Variants in WDR70 observed in about 807,000 individuals in gnomAD.
WDR70 encodes WD repeat domain 70, also known as WD repeat-containing protein 70.
In WDR70, 53 loss-of-function variants were observed where a neutral mutation model predicts 88.6. That is an observed-to-expected ratio of 0.60 (90% CI 0.48 to 0.75). The LOEUF (loss-of-function observed/expected upper bound fraction) is 0.75. Ranked by LOEUF, WDR70 falls within the 30% of genes least tolerant of loss-of-function variation. The pLI is 0.00. For missense variants in WDR70, 610 were observed against 823.2 expected (o/e 0.74, Z 3.17); for synonymous variants, 280 against 270.0 (o/e 1.04, Z -0.36).
At chr5:37,562,310 AAC>A (rs1408694288) in intron 9 of WDR70, among the ~76,000 whole-genome samples, 1 of 152,190 alleles carries the variant, frequency 6.6e-6, no homozygotes, top group Non-Finnish European at 1.5e-5. Flanking sequence ...GAGCCAAGAT[AAC>A]ACCATTGTGC....
intron 5 of WDR70, among the ~76,000 whole-genome samples, chr5:37,433,289 G>A (rs1750368709): frequency 6.6e-6 from 1 of 151,936 alleles, no homozygotes; most frequent in African/African-American, 2.4e-5. Context: ...TCAAACTCCT[G>A]GCCTCAAGTG....
chr5:37,627,549 G>T (rs1366299646), intron 10 of WDR70, among the ~76,000 whole-genome samples: 2 of 151,708 alleles, frequency 1.3e-5, no homozygotes, highest in Non-Finnish European at 2.9e-5. Context: ...TTATTTTTTG[G>T]CATAGGCATG....
At chr5:37,637,769 A>G (rs564527293) in intron 10 of WDR70, among the ~76,000 whole-genome samples, 2 of 152,256 alleles carry the variant, frequency 1.3e-5, no homozygotes, top group Non-Finnish European at 2.9e-5. Context: ...TTCTCACTCC[A>G]AAAGCCAAGA....
chr5:37,675,539 G>C (rs977323865), intron 10 of WDR70, among the ~76,000 whole-genome samples: 9 of 152,062 alleles, frequency 5.9e-5, no homozygotes, highest in African/African-American at 2.2e-4. Context: ...AGATCAGATA[G>C]TTGTAGATAT....
At chr5:37,443,413 T>C in intron 7 of WDR70, 41 bp downstream of exon 7, 2 of 1,609,252 alleles carry the variant, frequency 1.2e-6, no homozygotes, top group Non-Finnish European at 8.5e-7. Context: ...TTTGACCTAA[T>C]GTCTTCACAT....
At chr5:37,585,375 G>A (rs1420104852) in intron 9 of WDR70, among the ~76,000 whole-genome samples, 1 of 152,166 alleles carries the variant, frequency 6.6e-6, no homozygotes, top group East Asian at 1.9e-4. Flanking sequence ...ATAGAGCTGA[G>A]TGACTTGTTT....
At chr5:37,679,404 G>GC (rs1746351058) in intron 10 of WDR70, among the ~76,000 whole-genome samples, 1 of 150,224 alleles carries the variant, frequency 6.7e-6, no homozygotes, top group Admixed American at 6.6e-5. Context: ...GTACAGATGG[G>GC]TTTTGGTGTG....
At chr5:37,440,151 A>C (rs1332305366) in intron 6 of WDR70, among the ~76,000 whole-genome samples, 2 of 152,130 alleles carry the variant, frequency 1.3e-5, no homozygotes, top group African/African-American at 4.8e-5. Flanking sequence ...TATCTCTATA[A>C]GATTTTGTGC....
chr5:37,462,231 C>G (rs1561861399), intron 7 of WDR70, among the ~76,000 whole-genome samples: 4 of 152,020 alleles, frequency 2.6e-5, no homozygotes, highest in Admixed American at 1.3e-4. Flanking sequence ...TTTGCACCCT[C>G]TGGAGAATCA....
intron 17 of WDR70, among the ~76,000 whole-genome samples, chr5:37,743,209 C>T (rs997689590): frequency 1.3e-5 from 2 of 152,224 alleles, no homozygotes; most frequent in Admixed American, 1.3e-4. Flanking sequence ...AAGGGGAACC[C>T]CCCTCCCCCA....
At chr5:37,589,986 T>G (rs1236101357) in intron 9 of WDR70, among the ~76,000 whole-genome samples, 2 of 152,066 alleles carry the variant, frequency 1.3e-5, no homozygotes, top group African/African-American at 4.8e-5. Context: ...AAGAGCAGAG[T>G]GTAAATTTTG....
chr5:37,435,028 T>C (rs891557032), intron 5 of WDR70, among the ~76,000 whole-genome samples: 10 of 152,198 alleles, frequency 6.6e-5, no homozygotes, highest in African/African-American at 2.2e-4. Flanking sequence ...CTGTGCCAAT[T>C]ATATGGGATT....
At chr5:37,505,022 CTGAT>C (rs1453533834) in intron 8 of WDR70, among the ~76,000 whole-genome samples, 6 of 152,138 alleles carry the variant, frequency 3.9e-5, no homozygotes, top group African/African-American at 1.4e-4. Context: ...CAGGTGCTGA[CTGAT>C]TGGTATTACA....
intron 10 of WDR70, among the ~76,000 whole-genome samples, chr5:37,670,624 T>C (rs1428710750): frequency 6.6e-6 from 1 of 152,226 alleles, no homozygotes; most frequent in Non-Finnish European, 1.5e-5. Context: ...CCCAAGATCA[T>C]ATAGATGTGA....
chr5:37,720,927 A>C (rs892206352), intron 13 of WDR70, among the ~76,000 whole-genome samples, 188 bp from the exon 14 acceptor site: 1 of 152,206 alleles, frequency 6.6e-6, no homozygotes, highest in Non-Finnish European at 1.5e-5. Context: ...TATCACCCAG[A>C]TAATAAGTGA....
chr5:37,667,396 A>G (rs1388270851), intron 10 of WDR70, among the ~76,000 whole-genome samples: 1 of 152,220 alleles, frequency 6.6e-6, no homozygotes, highest in African/African-American at 2.4e-5. Flanking sequence ...CAACATGTTC[A>G]GTAACTGTAG....
intron 10 of WDR70, among the ~76,000 whole-genome samples, chr5:37,678,694 C>T (rs1308269368): frequency 1.3e-5 from 2 of 152,152 alleles, no homozygotes; most frequent in African/African-American, 2.4e-5. Flanking sequence ...ATTGGTGAAT[C>T]TGACAATTAT....
At chr5:37,695,945 C>T (rs1746968145) in intron 10 of WDR70, among the ~76,000 whole-genome samples, 1 of 152,228 alleles carries the variant, frequency 6.6e-6, no homozygotes, top group Admixed American at 6.5e-5. Flanking sequence ...CTGCTAACTT[C>T]TACTTTATCT....
At chr5:37,673,084 G>A (rs766212896) in intron 10 of WDR70, among the ~76,000 whole-genome samples, 1 of 152,078 alleles carries the variant, frequency 6.6e-6, no homozygotes, top group Non-Finnish European at 1.5e-5. Flanking sequence ...CCCAGTGTGT[G>A]TTGTTCCCGT....
Sources: allele counts gnomAD v4.1 joint callset (sites outside exome capture counted in the v4.1 genomes callset), GRCh38; gene constraint gnomAD v4.1.1; transcripts MANE v1.5; gene names NCBI Gene and HGNC (gene_info 2026-07-23, HGNC 2026-07-21).